PLXDC2: variants seen among roughly 807,000 people sequenced by gnomAD.
PLXDC2 encodes plexin domain containing 2, also known as plexin domain-containing protein 2.
In PLXDC2, 40 loss-of-function variants were observed where a neutral mutation model predicts 68.9. That is an observed-to-expected ratio of 0.58 (90% CI 0.45 to 0.76). The LOEUF (loss-of-function observed/expected upper bound fraction) is 0.76. PLXDC2 is among the 30% of genes least tolerant of loss of function. The probability of loss-of-function intolerance (pLI) is 0.00; values close to 1 mark genes in which losing one functional copy is unlikely to be tolerated. For synonymous variants in PLXDC2, 243 were observed against 234.2 expected, an observed-to-expected ratio of 1.04 and a Z score of -0.34; for missense variants, 644 against 661.9, an observed-to-expected ratio of 0.97 and a Z score of 0.30.
chr10:20,020,346 C>T (rs751551174), intron 2 of PLXDC2, among the ~76,000 whole-genome samples: 20 of 151,986 alleles, frequency 1.3e-4, no homozygotes, highest in East Asian at 7.8e-4. Flanking sequence ...CATGGATAGC[C>T]GACAATACCA....
chr10:19,943,174 T>C (rs554661590), intron 1 of PLXDC2, among the ~76,000 whole-genome samples: 1 of 152,254 alleles, frequency 6.6e-6, no homozygotes, highest in East Asian at 1.9e-4. Context: ...AGCTGAAGTA[T>C]GGAGTTAACC....
intron 4 of PLXDC2, among the ~76,000 whole-genome samples, chr10:20,104,689 G>A (rs1833466594): frequency 6.8e-6 from 1 of 147,476 alleles, no homozygotes; most frequent in African/African-American, 2.7e-5. Context: ...ATTGTTAAAT[G>A]GGGGGAGAAA....
chr10:20,145,768 T>C (rs1834068440), intron 5 of PLXDC2, among the ~76,000 whole-genome samples: 1 of 152,094 alleles, frequency 6.6e-6, no homozygotes, highest in African/African-American at 2.4e-5. Context: ...TTAGCCAGGA[T>C]GGTCTGGATC....
At chr10:20,240,610 G>A (rs1033488990) in intron 12 of PLXDC2, among the ~76,000 whole-genome samples, 23 of 146,536 alleles carry the variant, frequency 1.6e-4, no homozygotes, top group African/African-American at 2.3e-4. Context: ...TAATTAAGCC[G>A]TCATAATACC....
intron 4 of PLXDC2, among the ~76,000 whole-genome samples, chr10:20,113,748 T>C (rs1220608629): frequency 6.6e-6 from 1 of 152,212 alleles, no homozygotes; most frequent in Non-Finnish European, 1.5e-5. Flanking sequence ...GATTTTGCCA[T>C]GTACCCTTCT....
At chr10:19,977,161 G>T (rs901405107) in intron 1 of PLXDC2, among the ~76,000 whole-genome samples, 1 of 152,148 alleles carries the variant, frequency 6.6e-6, no homozygotes. Context: ...ATTGTGAAAT[G>T]GGATGCTAGA....
At chr10:20,139,209 C>T (rs550804412) in intron 4 of PLXDC2, among the ~76,000 whole-genome samples, 103 of 152,302 alleles carry the variant, frequency 6.8e-4, no homozygotes, top group Middle Eastern at 3.4e-3. Flanking sequence ...CTGTTGATTA[C>T]AACTGATCTC....
At chr10:19,891,325 G>A (rs891342487) in intron 1 of PLXDC2, among the ~76,000 whole-genome samples, 2 of 152,082 alleles carry the variant, frequency 1.3e-5, no homozygotes, top group African/African-American at 4.8e-5. Flanking sequence ...CCATTTTTCT[G>A]TGTCCCAATT....
intron 3 of PLXDC2, among the ~76,000 whole-genome samples, chr10:20,066,296 T>G (rs1836210196): frequency 6.6e-6 from 1 of 152,220 alleles, no homozygotes; most frequent in Admixed American, 6.5e-5. Context: ...TCCAAACATA[T>G]TTGAATACTT....
chr10:20,204,263 C>T lies in PLXDC2; in HGVS notation c.1062-7406C>T, dbSNP rs533279544. Among the ~76,000 whole-genome samples the T allele has an allele frequency of 6.6e-5, 10 of 152,088 alleles. No homozygotes were observed. The South Asian group carries it at 2.1e-3, about 32-fold the overall frequency. ...TAAGTAACATTTTAAATTTTATGAC[C>T]ATTTTTCAGTTAAACTTTTTCAGTA... On this transcript the variant is annotated intron_variant, in intron 9 of 13. Transcript: ENST00000377252.
At chr10:20,241,463 C>G (rs1484662831) in intron 12 of PLXDC2, among the ~76,000 whole-genome samples, 1 of 152,196 alleles carries the variant, frequency 6.6e-6, no homozygotes, top group African/African-American at 2.4e-5. Context: ...ATACCTTAAT[C>G]TTCCCTCTCC....
intron 9 of PLXDC2, among the ~76,000 whole-genome samples, chr10:20,207,866 G>GA (rs1297149522): frequency 5.4e-4 from 5 of 9,276 alleles, no homozygotes; most frequent in Non-Finnish European, 1.1e-3. Flanking sequence ...CTGAGAGAAT[G>GA]AGAGATTGTC....
chr10:20,081,018 C>T (rs1836547236), intron 4 of PLXDC2, among the ~76,000 whole-genome samples: 1 of 152,156 alleles, frequency 6.6e-6, no homozygotes. Context: ...CCCCAGGAAC[C>T]CCAGAAGGTT....
chr10:20,279,241 C>A (rs1464984759), intron 13 of PLXDC2, among the ~76,000 whole-genome samples: 1 of 151,788 alleles, frequency 6.6e-6, no homozygotes, highest in Admixed American at 6.6e-5. Flanking sequence ...TTGAAAATAC[C>A]CTTCTAGGAA....
At chr10:19,871,218 A>C (rs1169381273) in intron 1 of PLXDC2, among the ~76,000 whole-genome samples, 1 of 152,240 alleles carries the variant, frequency 6.6e-6, no homozygotes, top group East Asian at 1.9e-4. Flanking sequence ...TTCTTCCTAA[A>C]GAATTAGGAC....
At chr10:19,865,979 C>A (rs899015975) in intron 1 of PLXDC2, among the ~76,000 whole-genome samples, 23 of 152,142 alleles carry the variant, frequency 1.5e-4, no homozygotes, top group African/African-American at 4.8e-4. Flanking sequence ...GCTGGCTTCA[C>A]AAATTCACAC....
chr10:20,033,203 A>C, intron 2 of PLXDC2, among the ~76,000 whole-genome samples: 1 of 145,964 alleles, frequency 6.9e-6, no homozygotes, highest in East Asian at 1.9e-4. Context: ...TAAAAAAATA[A>C]AATAAAAAAA....
intron 2 of PLXDC2, among the ~76,000 whole-genome samples, chr10:20,046,263 C>T (rs1171530273): frequency 6.6e-6 from 1 of 151,894 alleles, no homozygotes; most frequent in Non-Finnish European, 1.5e-5. Context: ...TATATATTTC[C>T]TTCCAAGTCT....
At chr10:20,248,333 A>G (rs1411800065) in intron 13 of PLXDC2, among the ~76,000 whole-genome samples, 1 of 152,166 alleles carries the variant, frequency 6.6e-6, no homozygotes, top group African/African-American at 2.4e-5. Context: ...GTGTATACGT[A>G]CACATGTATT....
Sources: allele counts gnomAD v4.1 joint callset (sites outside exome capture counted in the v4.1 genomes callset), GRCh38; gene constraint gnomAD v4.1.1; transcripts MANE v1.5; gene names NCBI Gene and HGNC (gene_info 2026-07-23, HGNC 2026-07-21).